Variants in NR1D2 observed in about 807,000 individuals in gnomAD.
NR1D2 encodes V-erbA-related protein 1-related.
A neutral mutation model predicts 52.2 loss-of-function variants in NR1D2; 25 were observed. That is an observed-to-expected ratio of 0.48 (90% CI 0.35 to 0.67). The LOEUF is 0.67. Ranked by LOEUF, NR1D2 falls within the 30% of genes least tolerant of loss-of-function variation. NR1D2 has a pLI of 0.01. For missense variants in NR1D2, 681 were observed against 707.2 expected (o/e 0.96, Z 0.42); for synonymous variants, 259 against 230.1 (o/e 1.13, Z -1.14).
rs370800749 is a variant in NR1D2 at position 23,977,422 on chromosome 3, C to A, written c.*3C>A. On this transcript the variant is annotated 3_prime_UTR_variant, in exon 8 of 8. Transcript: ENST00000312521. Reference sequence around the variant, plus strand: ...TGGCCTTTAAAGTTCACCCTTAAGGCCTTTGTTTATTTAAACATGAACTGA... The same window carrying A: ...TGGCCTTTAAAGTTCACCCTTAAGGACTTTGTTTATTTAAACATGAACTGA... 6.6e-5 allele frequency: 103 copies of A among 1,570,664 alleles called. No individual in the cohort carries two copies. The highest frequency in any genetic ancestry group is 7.0e-5 in the Non-Finnish European group (81 of 1,160,658).
At chr3:23,975,825 T>G (rs777977012) in intron 7 of NR1D2, among the ~76,000 whole-genome samples, 17 of 152,272 alleles carry the variant, frequency 1.1e-4, no homozygotes, top group Non-Finnish European at 1.5e-4. Flanking sequence ...TTTCTTTTTT[T>G]GCCCTTTACT....
chr3:23,949,187 A>G (rs1398010151), intron 1 of NR1D2, among the ~76,000 whole-genome samples: 1 of 152,164 alleles, frequency 6.6e-6, no homozygotes, highest in East Asian at 1.9e-4. Context: ...CTAACATGTG[A>G]AACCCTGTCT....
intron 3 of NR1D2, among the ~76,000 whole-genome samples, chr3:23,957,092 C>T (rs2125287177): frequency 6.6e-6 from 1 of 152,062 alleles, no homozygotes; most frequent in South Asian, 2.1e-4. Flanking sequence ...AAGTGATTCT[C>T]CTGTCTCAGC....
intron 3 of NR1D2, 95 bp downstream of exon 3, chr3:23,956,220 CAGTG>C: frequency 3.3e-6 from 3 of 911,694 alleles, no homozygotes; most frequent in Admixed American, 1.8e-5. Flanking sequence ...GTCTGAGAGA[CAGTG>C]AGAAGTCAGC....
At chr3:23,952,215 G>A (rs1184081112) in intron 1 of NR1D2, among the ~76,000 whole-genome samples, 2 of 152,178 alleles carry the variant, frequency 1.3e-5, no homozygotes, top group Non-Finnish European at 2.9e-5. Flanking sequence ...AATATTAATT[G>A]CAGGATTAAT....
chr3:23,959,896 C>A, intron 4 of NR1D2, 81 bp downstream of exon 4: 1 of 1,358,944 alleles, frequency 7.4e-7, no homozygotes, highest in Non-Finnish European at 9.9e-7. Context: ...AGCTATAAAC[C>A]GGTTACCAAG....
At chr3:23,972,751 T>A (rs1706623564) in intron 7 of NR1D2, among the ~76,000 whole-genome samples, 1 of 152,148 alleles carries the variant, frequency 6.6e-6, no homozygotes, top group Non-Finnish European at 1.5e-5. Context: ...AGTACACCAT[T>A]TAGAAGATGA....
At chr3:23,970,681 A>G (rs1433056780) in intron 7 of NR1D2, among the ~76,000 whole-genome samples, 2 of 152,272 alleles carry the variant, frequency 1.3e-5, no homozygotes, top group East Asian at 3.8e-4. Context: ...ATGTCACTGT[A>G]TGAACATATA....
rs568438389 is a variant in NR1D2 at position 23,962,156 on chromosome 3, C to T, written c.697C>T (p.Leu233=). 2.5e-6 allele frequency: 4 copies of T among 1,614,196 alleles called. No homozygotes were observed. Among genetic ancestry groups the T allele is most frequent in the African/African-American group, 1.3e-5 (1 of 75,050 alleles). Residue 233 remains leucine (L), a synonymous_variant, in exon 5 of 8, where the codon CTG becomes TTG. Transcript: ENST00000312521. ...AQEQLRPKPQ[L]EQENIKSSSP... Reference sequence around the variant, plus strand: ...GGAACAGCTGCGACCCAAGCCCCAACTGGAGCAAGAAAACATCAAAAGCTC... The same window carrying T: ...GGAACAGCTGCGACCCAAGCCCCAATTGGAGCAAGAAAACATCAAAAGCTC...
chr3:23,963,326 G>A (rs1706337121), intron 5 of NR1D2: 1 of 1,341,920 alleles, frequency 7.5e-7, no homozygotes, highest in South Asian at 1.2e-5. Flanking sequence ...ATTTTCTACT[G>A]ACAGGTAATT....
At chr3:23,955,340 T>C (rs368675511) in intron 2 of NR1D2, among the ~76,000 whole-genome samples, 2 of 152,212 alleles carry the variant, frequency 1.3e-5, no homozygotes, top group Non-Finnish European at 2.9e-5. Flanking sequence ...TTAATTGTTA[T>C]CCAGAGAATT....
At chr3:23,947,293 C>T (rs1323691369) in intron 1 of NR1D2, among the ~76,000 whole-genome samples, 1 of 152,254 alleles carries the variant, frequency 6.6e-6, no homozygotes, top group Non-Finnish European at 1.5e-5. Flanking sequence ...CAATACTTCG[C>T]TGATCTAAAT....
At chr3:23,949,887 A>G (rs895609773) in intron 1 of NR1D2, among the ~76,000 whole-genome samples, 2 of 152,234 alleles carry the variant, frequency 1.3e-5, no homozygotes, top group African/African-American at 2.4e-5. Context: ...GAAGACCCCA[A>G]TATATGCAGG....
At chr3:23,958,899 A>C (rs1285530206) in intron 3 of NR1D2, among the ~76,000 whole-genome samples, 5 of 152,116 alleles carry the variant, frequency 3.3e-5, no homozygotes, top group Non-Finnish European at 5.9e-5. Context: ...CAGTGAGCTG[A>C]GATCGCACCA....
In NR1D2 at chr3:23,954,538, A is replaced by T; in HGVS notation, c.18A>T (p.Gly6=). 6.2e-7 allele frequency: 1 copy of T among 1,609,668 alleles called. No homozygotes were observed. Among genetic ancestry groups the T allele is most frequent in the East Asian group, 2.2e-5 (1 of 44,788 alleles). The change falls in exon 2 of 8, where the codon GGA becomes GGT. Residue 6 remains glycine (G), a splice_region_variant and synonymous_variant. Coordinates refer to ENST00000312521, the MANE Select transcript of NR1D2 (RefSeq NM_005126.5). MEVNA[G]GVIAYISSSS... ...TGTGATTTTCCTCCTATTTTCTAGG[A>T]GGTGTGATTGCCTATATCAGTTCTT...
At chr3:23,956,403 T>G (rs938200964) in intron 3 of NR1D2, among the ~76,000 whole-genome samples, 1 of 152,192 alleles carries the variant, frequency 6.6e-6, no homozygotes, top group African/African-American at 2.4e-5. Flanking sequence ...CACCAAATGC[T>G]CATTCATTAA....
At chr3:23,945,828 C>CCCCCCTCACATGGCCCGGCCG in intron 1 of NR1D2, among the ~76,000 whole-genome samples, 1 of 150,826 alleles carries the variant, frequency 6.6e-6, no homozygotes, top group South Asian at 2.1e-4. Context: ...CGGCCCGGCC[C>CCCCCCTCACATGGCCCGGCCG]CCCCCTCACA....
In NR1D2 at chr3:23,962,213, G is replaced by C; in HGVS notation, c.754G>C (p.Glu252Gln). Residue 252 changes from glutamate (E) to glutamine (Q), a missense_variant, in exon 5 of 8, where the codon GAA (glutamate) becomes CAA (glutamine). Physicochemically the swap from Glu to Gln is conservative, Grantham distance 29. Around this residue, in one of 3 missense-constraint regions of NR1D2, gnomAD observed 475 missense variants for 454.5 expected, o/e 1.05. Coordinates refer to ENST00000312521, the MANE Select transcript of NR1D2 (RefSeq NM_005126.5). ...SPPSSDFAKE[E>Q]VIGMVTRAHK... ...TCCATCTTCTGATTTTGCAAAGGAAGAAGTGATTGGCATGGTGACCAGAGC... is the reference window on the plus strand; with the variant it reads ...TCCATCTTCTGATTTTGCAAAGGAACAAGTGATTGGCATGGTGACCAGAGC... The C allele has an allele frequency of 2.5e-6, 4 of 1,614,208 alleles. No individual in the cohort carries two copies. Among genetic ancestry groups the C allele is most frequent in the Middle Eastern group, 3.3e-4 (2 of 6,062 alleles).
intron 1 of NR1D2, among the ~76,000 whole-genome samples, chr3:23,947,375 G>A (rs549525933): frequency 6.6e-6 from 1 of 152,272 alleles, no homozygotes; most frequent in East Asian, 1.9e-4. Flanking sequence ...TCCCCCTTCA[G>A]TTCTTCCATT....
Sources: allele counts gnomAD v4.1 joint callset (sites outside exome capture counted in the v4.1 genomes callset), GRCh38; gene constraint gnomAD v4.1.1; regional missense constraint gnomAD v4.1.1; transcripts MANE v1.5; gene names NCBI Gene and HGNC (gene_info 2026-07-23, HGNC 2026-07-21).